SLC1A2: variants seen among roughly 807,000 people sequenced by gnomAD.
SLC1A2 encodes the protein excitatory amino acid transporter 2.
Under a neutral mutation model 48.8 loss-of-function variants are expected in SLC1A2, and 15 were observed. That is an observed-to-expected ratio of 0.31 (90% CI 0.21 to 0.47). SLC1A2 has a LOEUF of 0.47. Ranked by LOEUF, SLC1A2 falls within the 20% of genes least tolerant of loss-of-function variation. The probability of loss-of-function intolerance (pLI) is 0.99; values close to 1 mark genes in which losing one functional copy is unlikely to be tolerated. For missense variants in SLC1A2, 502 were observed against 730.5 expected, an observed-to-expected ratio of 0.69 and a Z score of 3.61; for synonymous variants, 279 against 272.6, an observed-to-expected ratio of 1.02 and a Z score of -0.23.
Position 35,255,794 on chromosome 11 carries a change from A to G in SLC1A2, c.*5100T>C, listed in dbSNP as rs114159308. On this transcript the variant is annotated 3_prime_UTR_variant, in exon 11 of 11. Transcript: ENST00000278379. ...TAGGAAGGTGAGTTTAAGTCAAGGGAACTTTTATTAAAAAACTTTTATTGG... is the reference window on the plus strand; with the variant it reads ...TAGGAAGGTGAGTTTAAGTCAAGGGGACTTTTATTAAAAAACTTTTATTGG... The G allele has an allele frequency of 2.5e-3, 377 of 152,336 alleles. No homozygotes were observed. The highest frequency in any genetic ancestry group is 8.4e-3 in the African/African-American group (348 of 41,578). The allele number at this position is 152,336 out of a possible 1,614,324, so 9.4% of individuals were successfully genotyped here.
intron 1 of SLC1A2, among the ~76,000 whole-genome samples, chr11:35,318,832 C>T (rs1417366184): frequency 1.3e-5 from 2 of 152,174 alleles, no homozygotes; most frequent in African/African-American, 4.8e-5. Flanking sequence ...GTTCAGGGGG[C>T]TTACCCACTT....
chr11:35,265,453 G>T (rs1029421803), intron 10 of SLC1A2, 74 bp downstream of exon 10: 29 of 685,008 alleles, frequency 4.2e-5, no homozygotes, highest in African/African-American at 1.8e-4. Flanking sequence ...GGGCTTTACG[G>T]TTTTTTTTTT....
Position 35,255,791 on chromosome 11 carries a change from G to A in SLC1A2, c.*5103C>T, listed in dbSNP as rs1254881662. 2 of 152,158 alleles carry A rather than the reference G, an allele frequency of 1.3e-5. No homozygotes were observed. Among genetic ancestry groups the A allele is most frequent in the Non-Finnish European group, 2.9e-5 (2 of 68,016 alleles). The allele number at this position is 152,158 out of a possible 1,614,324, so 9.4% of individuals were successfully genotyped here. On this transcript the variant is annotated 3_prime_UTR_variant, in exon 11 of 11. Transcript: ENST00000278379. ...TATTAGGAAGGTGAGTTTAAGTCAA[G>A]GGAACTTTTATTAAAAAACTTTTAT...
At chr11:35,381,582 AATCTTC>A (rs1335739994) in intron 1 of SLC1A2, among the ~76,000 whole-genome samples, 1 of 151,762 alleles carries the variant, frequency 6.6e-6, no homozygotes, top group Non-Finnish European at 1.5e-5. Context: ...CAGCCCGAAA[AATCTTC>A]AATAGCTGTC....
At chr11:35,348,294 T>G (rs1853114594) in intron 1 of SLC1A2, among the ~76,000 whole-genome samples, 1 of 151,826 alleles carries the variant, frequency 6.6e-6, no homozygotes, top group Non-Finnish European at 1.5e-5. Flanking sequence ...TCCCCTGGAG[T>G]TGGTGAAAAA....
At chr11:35,368,009 T>G (rs1853914118) in intron 1 of SLC1A2, among the ~76,000 whole-genome samples, 1 of 152,206 alleles carries the variant, frequency 6.6e-6, no homozygotes, top group Non-Finnish European at 1.5e-5. Context: ...AAATGGAGGT[T>G]AAAAAGTATT....
At chr11:35,315,532 G>T (rs2134890090) in intron 2 of SLC1A2, 1 of 178,674 alleles carries the variant, frequency 5.6e-6, no homozygotes, top group Middle Eastern at 2.7e-3. Flanking sequence ...AGTGGCTTGT[G>T]CCTATAATCC....
At chr11:35,419,567 G>C (rs992786786), upstream of SLC1A2, 1 of 156,934 alleles carries the variant, frequency 6.4e-6, no homozygotes, top group Non-Finnish European at 1.4e-5. The surrounding 1 kb of genome is among the most constrained non-coding windows in gnomAD (Gnocchi z 5.4). Flanking sequence ...CCGCGCCGCC[G>C]CCTCGGGCAA....
intron 7 of SLC1A2, among the ~76,000 whole-genome samples, chr11:35,290,462 T>C (rs1402459318): frequency 1.3e-5 from 2 of 152,228 alleles, no homozygotes; most frequent in Non-Finnish European, 2.9e-5. Flanking sequence ...AATATATACA[T>C]ACATAGTAAG....
At position 35,392,215 on chromosome 11, in the gene SLC1A2, G is replaced by A. The variant is rs139733615; in HGVS notation, c.17+26735C>T. ...GTTTGTACAATTAAAAAAATGCATT[G>A]CTTGCGTAAGTTTTTGTTTCCTGGT... On this transcript the variant is annotated intron_variant, in intron 1 of 10. Transcript: ENST00000278379. 1.2e-4 allele frequency: 19 copies of A among 152,302 alleles called. No individual in the cohort carries two copies. In the East Asian group the frequency reaches 3.3e-3, roughly 26 times the overall value. 9.4% of individuals were successfully genotyped at this position (152,302 alleles called of 1,614,324 possible). A position where few individuals can be genotyped will look rare whatever the true frequency, so the allele number is the denominator to read the frequency against.
intron 8 of SLC1A2, chr11:35,285,601 TA>T (rs1201456164): frequency 6.6e-6 from 1 of 151,990 alleles, no homozygotes; most frequent in Non-Finnish European, 1.5e-5. Context: ...ATAAAACTTA[TA>T]AATTGTTGAG....
chr11:35,336,259 G>A (rs184464330), intron 1 of SLC1A2, among the ~76,000 whole-genome samples: 55 of 152,186 alleles, frequency 3.6e-4, no homozygotes, highest in East Asian at 7.7e-4. Context: ...GCAACAAACC[G>A]CTATGGCACA....
intron 1 of SLC1A2, among the ~76,000 whole-genome samples, chr11:35,320,639 T>C (rs1166886052): frequency 6.6e-6 from 1 of 152,180 alleles, no homozygotes; most frequent in African/African-American, 2.4e-5. Context: ...CCAAGAGAAA[T>C]TGAGAATTGA....
chr11:35,326,978 C>T (rs1335933848), intron 1 of SLC1A2, among the ~76,000 whole-genome samples: 2 of 152,150 alleles, frequency 1.3e-5, no homozygotes, highest in South Asian at 2.1e-4. Context: ...AGGTCCTGGA[C>T]AGAACCATAT....
intron 1 of SLC1A2, among the ~76,000 whole-genome samples, chr11:35,385,468 G>C (rs1854557361): frequency 6.6e-6 from 1 of 152,194 alleles, no homozygotes; most frequent in Non-Finnish European, 1.5e-5. Context: ...GTTTTGTAGT[G>C]TTTTGCCTCC....
At chr11:35,356,056 T>C (rs1248930989) in intron 1 of SLC1A2, among the ~76,000 whole-genome samples, 1 of 152,200 alleles carries the variant, frequency 6.6e-6, no homozygotes, top group Non-Finnish European at 1.5e-5. Context: ...AAATACATGG[T>C]GCATGGCCAA....
chr11:35,376,311 C>A (rs1009577674), intron 1 of SLC1A2, among the ~76,000 whole-genome samples: 2 of 152,128 alleles, frequency 1.3e-5, no homozygotes, highest in Non-Finnish European at 2.9e-5. Flanking sequence ...AGTGCAGGAC[C>A]TGGATTGGAT....
At chr11:35,302,629 C>T (rs1166890046) in intron 5 of SLC1A2, among the ~76,000 whole-genome samples, 2 of 152,042 alleles carry the variant, frequency 1.3e-5, no homozygotes, top group African/African-American at 4.8e-5. Context: ...ATCCCCTGTG[C>T]CTGAGATCCT....
chr11:35,317,273 C>A, intron 2 of SLC1A2, 104 bp downstream of exon 2: 1 of 1,326,272 alleles, frequency 7.5e-7, no homozygotes, highest in South Asian at 1.4e-5. Context: ...AACCACGTGG[C>A]TTCCTTTCTG....
Sources: allele counts gnomAD v4.1 joint callset (sites outside exome capture counted in the v4.1 genomes callset), GRCh38; gene constraint gnomAD v4.1.1; non-coding constraint Gnocchi (gnomAD v3.1); transcripts MANE v1.5; gene names NCBI Gene and HGNC (gene_info 2026-07-23, HGNC 2026-07-21).